The following AGBL4 variants were observed in gnomAD, a reference collection of about 807,000 sequenced individuals.
AGBL4 encodes the protein cytosolic carboxypeptidase 6.
In AGBL4, 58 loss-of-function variants were observed where a neutral mutation model predicts 66.4. The ratio of observed to expected loss-of-function variants is 0.87; its 90% CI spans 0.71 to 1.09. AGBL4 has a LOEUF of 1.09. AGBL4 is among the 50% of genes least tolerant of loss of function. The probability of loss-of-function intolerance (pLI) is 0.00; values close to 1 mark genes in which losing one functional copy is unlikely to be tolerated. For synonymous variants in AGBL4, 234 were observed against 222.9 expected (o/e 1.05, Z -0.44); for missense variants, 579 against 631.0 (o/e 0.92, Z 0.88).
intron 5 of AGBL4, among the ~76,000 whole-genome samples, chr1:49,030,290 T>C (rs558933944): frequency 7.4e-4 from 112 of 152,264 alleles, no homozygotes; most frequent in Admixed American, 1.3e-3. Context: ...ACGATTTCTC[T>C]GTCTCTGCTC....
At chr1:49,140,600 C>T (rs887389164) in intron 4 of AGBL4, among the ~76,000 whole-genome samples, 2 of 152,176 alleles carry the variant, frequency 1.3e-5, no homozygotes, top group Non-Finnish European at 2.9e-5. Context: ...GCCAAGGTTC[C>T]AGGTACATGA....
At chr1:49,927,882 A>G (rs1294816212) in intron 1 of AGBL4, among the ~76,000 whole-genome samples, 1 of 152,258 alleles carries the variant, frequency 6.6e-6, no homozygotes, top group East Asian at 1.9e-4. Context: ...ATAATCAATC[A>G]GTTAAAACTG....
intron 7 of AGBL4, among the ~76,000 whole-genome samples, chr1:48,658,468 ACCC>A (rs1176368304): frequency 6.6e-6 from 1 of 152,030 alleles, no homozygotes; most frequent in Non-Finnish European, 1.5e-5. Flanking sequence ...CTGGCACCAG[ACCC>A]CTGTCTGCCC....
At chr1:49,961,680 A>T (rs1331812237) in intron 1 of AGBL4, among the ~76,000 whole-genome samples, 2 of 152,110 alleles carry the variant, frequency 1.3e-5, no homozygotes, top group Non-Finnish European at 2.9e-5. Flanking sequence ...AAAGCATGCC[A>T]ATATGCATTT....
chr1:49,404,914 C>A (rs966325614), intron 3 of AGBL4, among the ~76,000 whole-genome samples: 7 of 152,192 alleles, frequency 4.6e-5, no homozygotes, highest in Non-Finnish European at 8.8e-5. Flanking sequence ...TACTGAATTT[C>A]ACATGCTGCT....
At position 49,601,519 on chromosome 1, in the gene AGBL4, A is replaced by C. The variant is rs1191915449; in HGVS notation, c.282+95794T>G. Among the ~76,000 whole-genome samples the C allele has an allele frequency of 2.0e-5, 3 of 152,254 alleles. No homozygotes were observed. In the East Asian group the frequency reaches 5.8e-4, roughly 29 times the overall value. ...CCAAATCAGATATATAGACCAATGA[A>C]ACGGAACAGAGATCTCAGAAATACC... On this transcript the variant is annotated intron_variant, in intron 3 of 13. Coordinates refer to ENST00000371839, the MANE Select transcript of AGBL4 (RefSeq NM_032785.4).
intron 11 of AGBL4, chr1:48,584,429 C>G (rs544520002): frequency 9.3e-4 from 141 of 152,362 alleles, no homozygotes; most frequent in African/African-American, 3.0e-3. Context: ...ATTAAAAACT[C>G]AGTTTAGGCC....
At chr1:49,483,402 C>G (rs551786508) in intron 3 of AGBL4, among the ~76,000 whole-genome samples, 1 of 151,956 alleles carries the variant, frequency 6.6e-6, no homozygotes, top group African/African-American at 2.4e-5. Context: ...TCCATACTAC[C>G]CAAAGCAATC....
chr1:49,307,645 T>C (rs1461353364), intron 3 of AGBL4, among the ~76,000 whole-genome samples: 1 of 152,182 alleles, frequency 6.6e-6, no homozygotes, highest in Non-Finnish European at 1.5e-5. Context: ...AACAATGCCC[T>C]AGGCTTTCTA....
chr1:49,134,483 C>T (rs895834545), intron 4 of AGBL4, among the ~76,000 whole-genome samples: 3 of 124,672 alleles, frequency 2.4e-5, no homozygotes, highest in Non-Finnish European at 5.0e-5. Flanking sequence ...GGGCCCCCCC[C>T]CCCCCACCCC....
chr1:49,164,744 G>T (rs1488314784), intron 4 of AGBL4, among the ~76,000 whole-genome samples: 2 of 152,108 alleles, frequency 1.3e-5, no homozygotes, highest in Non-Finnish European at 2.9e-5. Flanking sequence ...ATGTTTGTTT[G>T]CTTCAGTTAT....
At position 48,587,150 on chromosome 1, in the gene AGBL4, T is replaced by C; in HGVS notation, c.1121A>G (p.Asn374Ser). 1 of 1,553,934 alleles carries C rather than the reference T, an allele frequency of 6.4e-7. No individual in the cohort carries two copies. The highest frequency in any genetic ancestry group is 8.7e-7 in the Non-Finnish European group (1 of 1,148,648). Residue 374 changes from asparagine (N) to serine (S), a missense_variant, in exon 11 of 14, where the codon AAC (asparagine) becomes AGC (serine). By Grantham distance (46) the Asn-to-Ser change is conservative. Coordinates refer to ENST00000371839, the MANE Select transcript of AGBL4 (RefSeq NM_032785.4). ...EDFSYSSTSFNRDAVKAGTGR... is the reference protein window; with the variant it reads ...EDFSYSSTSFSRDAVKAGTGR... ...AGTTCCTGCTTTCACAGCGTCCCGGTTAAAGGATGTGCTGGACTGTGAAAG... is the reference window on the plus strand; with the variant it reads ...AGTTCCTGCTTTCACAGCGTCCCGGCTAAAGGATGTGCTGGACTGTGAAAG...
intron 2 of AGBL4, among the ~76,000 whole-genome samples, chr1:49,757,518 A>G (rs1651980920): frequency 6.6e-6 from 1 of 152,178 alleles, no homozygotes; most frequent in Non-Finnish European, 1.5e-5. Context: ...AGAAGTGGGA[A>G]AGTTTGGAAC....
At chr1:48,726,595 CCTT>C (rs1306805404) in intron 6 of AGBL4, among the ~76,000 whole-genome samples, 3 of 152,128 alleles carry the variant, frequency 2.0e-5, no homozygotes, top group Non-Finnish European at 4.4e-5. Context: ...TTATTTTCCT[CCTT>C]ATTACTGATA....
intron 4 of AGBL4, among the ~76,000 whole-genome samples, chr1:49,087,332 T>C (rs1349397917): frequency 6.6e-6 from 1 of 152,072 alleles, no homozygotes; most frequent in East Asian, 1.9e-4. Flanking sequence ...ATCCAAAATA[T>C]CTAAGGACTA....
intron 2 of AGBL4, among the ~76,000 whole-genome samples, chr1:49,751,722 G>C (rs952010612): frequency 3.3e-5 from 5 of 152,072 alleles, no homozygotes; most frequent in African/African-American, 1.2e-4. Flanking sequence ...GGCTTTTCTT[G>C]GTTGGTAGGC....
intron 1 of AGBL4, among the ~76,000 whole-genome samples, chr1:49,984,036 C>A (rs1349071661): frequency 1.3e-5 from 2 of 152,172 alleles, no homozygotes; most frequent in East Asian, 3.9e-4. Context: ...TCTTCTATGG[C>A]AGTAAGATAC....
At chr1:48,813,171 AAC>A (rs1375537257) in intron 6 of AGBL4, among the ~76,000 whole-genome samples, 6 of 152,166 alleles carry the variant, frequency 3.9e-5, no homozygotes, top group Non-Finnish European at 7.4e-5. Context: ...GGGCTGTTGA[AAC>A]ACAGAAGAGG....
intron 5 of AGBL4, among the ~76,000 whole-genome samples, chr1:48,897,711 T>A (rs1651657561): frequency 6.6e-6 from 1 of 152,178 alleles, no homozygotes; most frequent in South Asian, 2.1e-4. Flanking sequence ...AATTTGCATT[T>A]CTCTAATGAT....
Sources: allele counts gnomAD v4.1 joint callset (sites outside exome capture counted in the v4.1 genomes callset), GRCh38; gene constraint gnomAD v4.1.1; transcripts MANE v1.5; gene names NCBI Gene and HGNC (gene_info 2026-07-23, HGNC 2026-07-21).